PTPRQ: variants seen among roughly 807,000 people sequenced by gnomAD.
The protein encoded by PTPRQ is protein tyrosine phosphatase receptor type Q, also known as phosphatidylinositol phosphatase PTPRQ.
A neutral mutation model predicts 246.0 loss-of-function variants in PTPRQ; 199 were observed. That is an observed-to-expected ratio of 0.81 (90% CI 0.72 to 0.91). The LOEUF is 0.91. PTPRQ is among the 40% of genes least tolerant of loss of function. The pLI is 0.00. For synonymous variants in PTPRQ, 869 were observed against 853.2 expected (o/e 1.02, Z -0.32); for missense variants, 2,624 against 2,528.4 (o/e 1.04, Z -0.81).
chr12:80,624,167 A>G (rs564996412), intron 33 of PTPRQ, among the ~76,000 whole-genome samples: 20 of 152,256 alleles, frequency 1.3e-4, no homozygotes, highest in African/African-American at 4.6e-4. Flanking sequence ...TGAGTAAAAG[A>G]TGTGTAATGA....
At position 80,622,042 on chromosome 12, in the gene PTPRQ, TTC is replaced by T. The variant is rs201154108; in HGVS notation, c.5613-17_5613-16del. 8.1e-4 allele frequency: 1,075 copies of T among 1,319,232 alleles called. No individual in the cohort carries two copies. Among genetic ancestry groups the T allele is most frequent in the East Asian group, 2.8e-3 (91 of 32,156 alleles). 81.7% of individuals were successfully genotyped at this position (1,319,232 alleles called of 1,614,324 possible). On this transcript the variant is annotated splice_polypyrimidine_tract_variant and intron_variant, in intron 32 of 44. Transcript: ENST00000644991. ...CACATGATATGCAAAGTGTTGATTT[TTC>T]TTTTTTTATTTTATAGATTTAAATT...
chr12:80,587,938 C>T (rs1393947898), intron 25 of PTPRQ, among the ~76,000 whole-genome samples, 191 bp from the exon 26 acceptor site: 1 of 152,044 alleles, frequency 6.6e-6, no homozygotes, highest in South Asian at 2.1e-4. Flanking sequence ...TGTCCTCTAC[C>T]CTTTTAAAAT....
At position 80,581,078 on chromosome 12, in the gene PTPRQ, A is replaced by G. The variant is rs985605048; in HGVS notation, c.4286-7051A>G. On this transcript the variant is annotated intron_variant, in intron 25 of 44. Transcript: ENST00000644991. ...ACATTGGAGGAAAAAATAGTTGATCATAGAGGCATGGGCATCTAGTCATCC... is the reference window on the plus strand; with the variant it reads ...ACATTGGAGGAAAAAATAGTTGATCGTAGAGGCATGGGCATCTAGTCATCC... Among the ~76,000 whole-genome samples the G allele has an allele frequency of 2.6e-5, 4 of 152,332 alleles. No individual in the cohort carries two copies. The South Asian group carries it at 6.2e-4, about 24-fold the overall frequency.
At chr12:80,557,143 T>C (rs1388996018) in intron 25 of PTPRQ, among the ~76,000 whole-genome samples, 1 of 152,120 alleles carries the variant, frequency 6.6e-6, no homozygotes, top group African/African-American at 2.4e-5. Flanking sequence ...TCCTAAGTAA[T>C]ACAGAATAAA....
At chr12:80,580,076 T>C (rs968989384) in intron 25 of PTPRQ, among the ~76,000 whole-genome samples, 9 of 152,152 alleles carry the variant, frequency 5.9e-5, no homozygotes, top group African/African-American at 2.2e-4. Flanking sequence ...CAGGAGAGTT[T>C]GGCAATTTCT....
chr12:80,568,586 T>C (rs1373637863), intron 25 of PTPRQ, among the ~76,000 whole-genome samples: 2 of 152,228 alleles, frequency 1.3e-5, no homozygotes, highest in East Asian at 3.8e-4. Context: ...GTGTTAACAT[T>C]CCCATGGTCA....
rs1447994662 is a variant in PTPRQ, at chr12:80,613,627, A to G, written c.4954A>G (p.Lys1652Glu). The G allele has an allele frequency of 1.9e-6, 3 of 1,545,254 alleles. No individual in the cohort carries two copies. The highest frequency in any genetic ancestry group is 2.6e-6 in the Non-Finnish European group (3 of 1,142,678). The part of the protein sequence containing the change: ...KDPPNNMTFQ[K>E]IPDEVTKFQL... ...CCCACCTAACAACATGACATTTCAG[A>G]AGATACCAGATGAAGTTACAAAATT... The change falls in exon 29 of 45, where the codon AAG (lysine) becomes GAG (glutamate). Residue 1652 changes from lysine (K) to glutamate (E), a missense_variant. Physicochemically the swap from Lys to Glu is moderately conservative, Grantham distance 56 (BLOSUM62 1). Transcript: ENST00000644991.
chr12:80,515,815 T>C (rs2120735927), intron 17 of PTPRQ, among the ~76,000 whole-genome samples: 1 of 152,186 alleles, frequency 6.6e-6, no homozygotes, highest in African/African-American at 2.4e-5. Context: ...GGTAACTTTT[T>C]TCTTTATCAT....
chr12:80,660,445 C>G (rs1223606748), intron 39 of PTPRQ, among the ~76,000 whole-genome samples: 1 of 151,972 alleles, frequency 6.6e-6, no homozygotes, highest in Non-Finnish European at 1.5e-5. Context: ...GAAGGATAGA[C>G]TGTGAAAGAG....
At chr12:80,643,604 C>CAGAATGCAGAAGGATGTGAA (rs1032344331) in intron 35 of PTPRQ, among the ~76,000 whole-genome samples, 86 of 152,038 alleles carry the variant, frequency 5.7e-4, no homozygotes, top group African/African-American at 1.9e-3. Flanking sequence ...AAGGATGTGA[C>CAGAATGCAGAAGGATGTGAA]AGAATGCAGA....
intron 27 of PTPRQ, among the ~76,000 whole-genome samples, chr12:80,606,059 G>C (rs904796274): frequency 6.6e-6 from 1 of 151,092 alleles, no homozygotes; most frequent in African/African-American, 2.4e-5. Context: ...ATGATGGTGA[G>C]TGAGTAGGAT....
intron 9 of PTPRQ, among the ~76,000 whole-genome samples, chr12:80,488,191 C>T (rs1025055157): frequency 1.3e-5 from 2 of 151,448 alleles, no homozygotes; most frequent in African/African-American, 2.4e-5. Context: ...ATGGGAGAGA[C>T]ATGTTATTCC....
rs1156517563 is a variant in PTPRQ at position 80,613,656 on chromosome 12, A to G, written c.4983A>G (p.Gln1661=). Residue 1661 remains glutamine, a synonymous_variant, in exon 29 of 45, where the codon CAA becomes CAG. Coordinates refer to ENST00000644991, the MANE Select transcript of PTPRQ (RefSeq NM_001145026.2). ...TACCAGATGAAGTTACAAAATTTCA[A>G]TTAACGTTCCTTCCTCCTTCTCAAC... ...QKIPDEVTKF[Q]LTFLPPSQPN... The G allele has an allele frequency of 3.2e-6, 5 of 1,545,858 alleles. No individual in the cohort carries two copies. The East Asian group carries it at 9.8e-5, about 30-fold the overall frequency.
At chr12:80,478,001 G>A (rs963749609) in intron 8 of PTPRQ, among the ~76,000 whole-genome samples, 1 of 152,238 alleles carries the variant, frequency 6.6e-6, no homozygotes, top group African/African-American at 2.4e-5. Flanking sequence ...AAAGCAGCCT[G>A]GAAGCTCCAA....
At chr12:80,526,916 T>G (rs1238006724) in intron 17 of PTPRQ, among the ~76,000 whole-genome samples, 1 of 152,106 alleles carries the variant, frequency 6.6e-6, no homozygotes, top group Non-Finnish European at 1.5e-5. Flanking sequence ...GGAAGGGCAC[T>G]GATTTACTGA....
At chr12:80,662,620 A>C in intron 39 of PTPRQ, among the ~76,000 whole-genome samples, 1 of 152,148 alleles carries the variant, frequency 6.6e-6, no homozygotes, top group Non-Finnish European at 1.5e-5. Context: ...CATTTAATAA[A>C]TACATGTTAT....
intron 25 of PTPRQ, among the ~76,000 whole-genome samples, chr12:80,577,076 T>C (rs760032402): frequency 7.2e-5 from 11 of 152,270 alleles, no homozygotes; most frequent in Non-Finnish European, 1.3e-4. Flanking sequence ...ATCAAAGTTG[T>C]CATTTTTGAT....
At chr12:80,486,234 G>C (rs966028006) in intron 9 of PTPRQ, among the ~76,000 whole-genome samples, 1 of 152,084 alleles carries the variant, frequency 6.6e-6, no homozygotes, top group Non-Finnish European at 1.5e-5. Flanking sequence ...AAATAATTGT[G>C]ACCTATTGTG....
chr12:80,626,987 A>C (rs943947890), intron 33 of PTPRQ, among the ~76,000 whole-genome samples: 28 of 151,982 alleles, frequency 1.8e-4, no homozygotes, highest in South Asian at 6.2e-4. Flanking sequence ...GCTACCTTTA[A>C]ATTTTTTCCT....
Sources: gnomAD v4.1 joint callset for allele counts (sites outside exome capture counted in the v4.1 genomes callset) on GRCh38, gnomAD v4.1.1 for gene constraint, MANE v1.5 for transcripts, NCBI Gene and HGNC (gene_info 2026-07-23, HGNC 2026-07-21) for gene names.